The following PCDHGB1 variants were observed in gnomAD, a reference collection of about 807,000 sequenced individuals.
The protein encoded by PCDHGB1 is protocadherin gamma-B1.
PCDHGB1 carries 34 observed loss-of-function variants against 56.6 expected under a neutral mutation model. That is an observed-to-expected ratio of 0.60 (90% CI 0.46 to 0.80). The LOEUF is 0.80. PCDHGB1 is among the 30% of genes least tolerant of loss of function. PCDHGB1 has a pLI of 0.00. For synonymous variants in PCDHGB1, 561 were observed against 505.9 expected (o/e 1.11, Z -1.46); for missense variants, 1,278 against 1,204.6 (o/e 1.06, Z -0.90).
In PCDHGB1 at chr5:141,486,157, A is replaced by C. The variant is rs1562110580; in HGVS notation, c.2410-8650A>C. On this transcript the variant is annotated intron_variant, in intron 1 of 3. Transcript: ENST00000523390. This position sits in a 1 kb window ranked among gnomAD's most constrained non-coding sequence, Gnocchi z 5.0. ...TGCGGGCTCGCGATGGGGGTTCTCC[A>C]GCCATGGAGCAACATTGCAGCCTTC... 10 of 1,614,208 alleles carry C rather than the reference A, an allele frequency of 6.2e-6. No individual in the cohort carries two copies. The highest frequency in any genetic ancestry group is 8.5e-6 in the Non-Finnish European group (10 of 1,180,028).
intron 1 of PCDHGB1, among the ~76,000 whole-genome samples, chr5:141,373,599 T>A (rs1769720123): frequency 6.6e-6 from 1 of 152,236 alleles, no homozygotes; most frequent in Non-Finnish European, 1.5e-5. Flanking sequence ...GTGATGATAA[T>A]TCAAAATTTA....
intron 3 of PCDHGB1, among the ~76,000 whole-genome samples, chr5:141,510,591 A>G (rs1050708244): frequency 6.6e-6 from 1 of 152,176 alleles, no homozygotes; most frequent in Non-Finnish European, 1.5e-5. Flanking sequence ...TACCTGACAT[A>G]CATTTTCTTA....
chr5:141,429,421 C>T (rs1223756901), intron 1 of PCDHGB1, among the ~76,000 whole-genome samples: 1 of 151,486 alleles, frequency 6.6e-6, no homozygotes, highest in Non-Finnish European at 1.5e-5. Context: ...CATTATGTTG[C>T]CCAGGCTGGA....
chr5:141,360,819 C>A (rs1761756453), intron 1 of PCDHGB1: 6 of 1,613,870 alleles, frequency 3.7e-6, no homozygotes. Context: ...CGACCCAAAT[C>A]CGAATCAAAG....
intron 1 of PCDHGB1, among the ~76,000 whole-genome samples, chr5:141,492,474 G>T (rs2099741007): frequency 6.6e-6 from 1 of 152,218 alleles, no homozygotes; most frequent in African/African-American, 2.4e-5. Context: ...CCCAGATCGC[G>T]GCCGCCCAGG....
At chr5:141,408,579 T>G in intron 1 of PCDHGB1, 1 of 1,614,026 alleles carries the variant, frequency 6.2e-7, no homozygotes, top group Non-Finnish European at 8.5e-7. Flanking sequence ...ATTGAGGATG[T>G]TAATGACCAC....
chr5:141,476,046 C>T lies in PCDHGB1; in HGVS notation c.2410-18761C>T. 6.7e-7 allele frequency: 1 copy of T among 1,491,396 alleles called. No individual in the cohort carries two copies. Among genetic ancestry groups the T allele is most frequent in the Non-Finnish European group, 8.9e-7 (1 of 1,122,928 alleles). 92.4% of individuals were successfully genotyped at this position (1,491,396 alleles called of 1,614,324 possible). On this transcript the variant is annotated intron_variant, in intron 1 of 3. Coordinates refer to ENST00000523390, the MANE Select transcript of PCDHGB1 (RefSeq NM_018922.3). This position sits in a 1 kb window ranked among gnomAD's most constrained non-coding sequence, Gnocchi z 7.6. ...CGGCGCCCAGCGCCCAAGCGCTAAC[C>T]CGCTGAAAGTTTCTCAGCGAAATCT...
rs1328871348 is a variant in PCDHGB1 at position 141,361,436 on chromosome 5, C to T, written c.2409+8767C>T. ...GACGGGGGCAAGCCGCCCCTCTCCTCCAGCATAATTGTCACCCTGCACATC... is the reference window on the plus strand; with the variant it reads ...GACGGGGGCAAGCCGCCCCTCTCCTTCAGCATAATTGTCACCCTGCACATC... On this transcript the variant is annotated intron_variant, in intron 1 of 3. Transcript: ENST00000523390. 5 of 1,613,930 alleles carry T rather than the reference C, an allele frequency of 3.1e-6. No individual in the cohort carries two copies. In the South Asian group the frequency reaches 5.5e-5, roughly 18 times the overall value.
At chr5:141,404,816 C>A in intron 1 of PCDHGB1, 1 of 1,610,374 alleles carries the variant, frequency 6.2e-7, no homozygotes, top group Non-Finnish European at 8.5e-7. Flanking sequence ...GGTGGGGCTG[C>A]ACACAGGTGA....
chr5:141,357,353 G>A (rs772395094), intron 1 of PCDHGB1: 1 of 1,614,124 alleles, frequency 6.2e-7, no homozygotes, highest in Middle Eastern at 1.6e-4. Context: ...AAGCTGAGAC[G>A]CTGGCACAAG....
chr5:141,418,087 C>T (rs2096220274), intron 1 of PCDHGB1: 9 of 1,613,894 alleles, frequency 5.6e-6, no homozygotes, highest in Non-Finnish European at 7.6e-6. Flanking sequence ...TGCACTTCAG[C>T]GTAGACGCGC....
chr5:141,405,041 G>A (rs1276032851), intron 1 of PCDHGB1: 1 of 1,613,976 alleles, frequency 6.2e-7, no homozygotes, highest in Non-Finnish European at 8.5e-7. Flanking sequence ...CGTTGTGGCT[G>A]TGGCAGTCGT....
intron 1 of PCDHGB1, chr5:141,364,759 T>C: frequency 1.2e-6 from 2 of 1,613,952 alleles, no homozygotes; most frequent in Non-Finnish European, 1.7e-6. Context: ...TAAAAGTTAA[T>C]GAAAATGCGG....
intron 1 of PCDHGB1, chr5:141,423,278 A>C: frequency 1.2e-6 from 2 of 1,613,940 alleles, no homozygotes; most frequent in Non-Finnish European, 1.7e-6. Flanking sequence ...TCTCTGGCTA[A>C]CTCTGAAACC....
intron 1 of PCDHGB1, chr5:141,390,892 G>A (rs1476434709): frequency 2.6e-5 from 4 of 152,470 alleles, no homozygotes; most frequent in East Asian, 3.8e-4. Context: ...GTGTGTGAGA[G>A]AGATCCTTTT....
At position 141,389,870 on chromosome 5, in the gene PCDHGB1, C is replaced by T. The variant is rs1395147259; in HGVS notation, c.2409+37201C>T. On this transcript the variant is annotated intron_variant, in intron 1 of 3. Transcript: ENST00000523390. ...CCACTGCCACGTTGCACCTGGTCTT[C>T]GCCGACAGCTTGCAGGAGGTGCTGC... is the stretch of plus-strand genomic sequence containing the variant. The T allele has an allele frequency of 2.5e-6, 4 of 1,613,960 alleles. No individual in the cohort carries two copies. The South Asian group carries it at 3.3e-5, about 13-fold the overall frequency.
At chr5:141,478,174 GA>G (rs1156842877) in intron 1 of PCDHGB1, 1 of 1,613,574 alleles carries the variant, frequency 6.2e-7, no homozygotes, top group East Asian at 2.2e-5. Context: ...CCCGGGAGCA[GA>G]AAAAAAATCT....
intron 1 of PCDHGB1, chr5:141,357,298 G>A (rs767893393): frequency 6.2e-7 from 1 of 1,613,908 alleles, no homozygotes; most frequent in Non-Finnish European, 8.5e-7. Context: ...AGTGGCCGCT[G>A]TCTCCTGCGT....
chr5:141,421,507 G>A lies in PCDHGB1; in HGVS notation c.2409+68838G>A, dbSNP rs758920296. On this transcript the variant is annotated intron_variant, in intron 1 of 3. Coordinates refer to ENST00000523390, the MANE Select transcript of PCDHGB1 (RefSeq NM_018922.3). ...GATCACGGCAGGCAGGATAGACCGG[G>A]AGGAGCTCTGTGAGACGGTGTCCTC... The A allele has an allele frequency of 6.8e-6, 11 of 1,614,070 alleles. No homozygotes were observed. The South Asian group carries it at 1.2e-4, about 18-fold the overall frequency.
Sources: allele counts gnomAD v4.1 joint callset (sites outside exome capture counted in the v4.1 genomes callset), GRCh38; gene constraint gnomAD v4.1.1; non-coding constraint Gnocchi (gnomAD v3.1); transcripts MANE v1.5; gene names NCBI Gene and HGNC (gene_info 2026-07-23, HGNC 2026-07-21).